The following CFAP299 variants were observed in gnomAD, a reference collection of about 807,000 sequenced individuals.
CFAP299 encodes cilia and flagella associated protein 299, also known as cilia- and flagella-associated protein 299.
CFAP299 carries 21 observed loss-of-function variants against 27.0 expected under a neutral mutation model. That is an observed-to-expected ratio of 0.78 (90% CI 0.55 to 1.12). The LOEUF is 1.12. Among genes scored for constraint, CFAP299 ranks in the 50% most tolerant of loss-of-function variants. The probability of loss-of-function intolerance (pLI) is 0.00; values close to 1 mark genes in which losing one functional copy is unlikely to be tolerated. For missense variants in CFAP299, 310 were observed against 276.6 expected (o/e 1.12, Z -0.86); for synonymous variants, 104 against 98.1 (o/e 1.06, Z -0.36).
chr4:80,328,233 AAAAC>A, the CFAP299 span, among the ~76,000 whole-genome samples: 3 of 152,176 alleles, frequency 2.0e-5, no homozygotes, highest in South Asian at 6.2e-4. Flanking sequence ...TAATTGAAAC[AAAAC>A]ATGGGGTCAA....
At chr4:80,650,504 C>A (rs1740227220) in intron 3 of CFAP299, among the ~76,000 whole-genome samples, 1 of 152,018 alleles carries the variant, frequency 6.6e-6, no homozygotes, top group Admixed American at 6.6e-5. Flanking sequence ...TTTGATGTGT[C>A]AGATTTTATT....
intron 2 of CFAP299, among the ~76,000 whole-genome samples, chr4:80,492,490 C>A (rs1455795807): frequency 6.6e-6 from 1 of 152,084 alleles, no homozygotes; most frequent in Non-Finnish European, 1.5e-5. Flanking sequence ...ATAGATGGGA[C>A]TAACAGGAGT....
intron 3 of CFAP299, among the ~76,000 whole-genome samples, chr4:80,629,364 T>A (rs563129591): frequency 1.3e-5 from 2 of 152,216 alleles, no homozygotes; most frequent in South Asian, 2.1e-4. Flanking sequence ...TTCAGTTAGA[T>A]AAGAGAAATA....
intron 3 of CFAP299, among the ~76,000 whole-genome samples, chr4:80,631,367 A>G (rs1027799733): frequency 1.3e-5 from 2 of 152,158 alleles, no homozygotes; most frequent in Non-Finnish European, 2.9e-5. Flanking sequence ...TACTTTGAAC[A>G]GATACCTACA....
chr4:80,715,547 G>A (rs1722429125), intron 3 of CFAP299, among the ~76,000 whole-genome samples: 1 of 151,838 alleles, frequency 6.6e-6, no homozygotes, highest in Non-Finnish European at 1.5e-5. Flanking sequence ...ACTTCTGAAA[G>A]ACCAAAATGG....
intron 3 of CFAP299, among the ~76,000 whole-genome samples, chr4:80,803,028 CT>C (rs1232097489): frequency 1.3e-5 from 2 of 152,056 alleles, no homozygotes; most frequent in Non-Finnish European, 2.9e-5. Flanking sequence ...TTCAGCTCAA[CT>C]TTTTTCATCA....
chr4:80,508,997 A>C (rs1358439923), intron 2 of CFAP299, among the ~76,000 whole-genome samples: 1 of 152,172 alleles, frequency 6.6e-6, no homozygotes, highest in Admixed American at 6.5e-5. Context: ...CTAGAGCTGA[A>C]GATCAGCTTT....
chr4:80,942,203 T>C (rs934782890), intron 4 of CFAP299, among the ~76,000 whole-genome samples: 3 of 152,070 alleles, frequency 2.0e-5, no homozygotes, highest in African/African-American at 7.2e-5. Context: ...AATTTGAAAA[T>C]TTGTATTTTG....
chr4:80,908,090 G>T (rs1044297518), intron 4 of CFAP299, among the ~76,000 whole-genome samples: 3 of 152,172 alleles, frequency 2.0e-5, no homozygotes, highest in Admixed American at 2.0e-4. Context: ...TTCAGACTTT[G>T]CTCAGGGAAC....
chr4:80,862,375 A>C (rs976340437), intron 3 of CFAP299, among the ~76,000 whole-genome samples: 3 of 152,128 alleles, frequency 2.0e-5, no homozygotes, highest in Admixed American at 2.0e-4. Flanking sequence ...ATCTCGAAAA[A>C]TATAGTAAAT....
At chr4:80,906,125 A>G (rs1039081632) in intron 4 of CFAP299, among the ~76,000 whole-genome samples, 6 of 152,356 alleles carry the variant, frequency 3.9e-5, no homozygotes, top group African/African-American at 1.2e-4. Flanking sequence ...TTAGTTAAAT[A>G]TACCCATTCC....
At chr4:80,380,851 C>T (rs973409150) in intron 2 of CFAP299, among the ~76,000 whole-genome samples, 1 of 152,176 alleles carries the variant, frequency 6.6e-6, no homozygotes. Context: ...TTGACCTCTG[C>T]TACTGCTTTT....
At chr4:80,956,484 T>C (rs564601825) in intron 5 of CFAP299, among the ~76,000 whole-genome samples, 3 of 152,194 alleles carry the variant, frequency 2.0e-5, no homozygotes, top group African/African-American at 7.2e-5. Context: ...CTGTGTGGAG[T>C]CCAGTGGCAC....
At chr4:80,723,268 A>G (rs1197455760) in intron 3 of CFAP299, among the ~76,000 whole-genome samples, 1 of 152,216 alleles carries the variant, frequency 6.6e-6, no homozygotes, top group Non-Finnish European at 1.5e-5. Context: ...AAATAAAAAT[A>G]TATGCTCATA....
chr4:80,692,888 A>G (rs1157177766), intron 3 of CFAP299, among the ~76,000 whole-genome samples: 1 of 152,028 alleles, frequency 6.6e-6, no homozygotes, highest in East Asian at 1.9e-4. Context: ...TGGGTGAAGG[A>G]CATGAACAGA....
At chr4:80,553,708 A>G (rs1018290007) in intron 2 of CFAP299, among the ~76,000 whole-genome samples, 2 of 152,066 alleles carry the variant, frequency 1.3e-5, no homozygotes, top group African/African-American at 2.4e-5. Flanking sequence ...CTGGTGTAAG[A>G]TGGTATCTTT....
intron 2 of CFAP299, among the ~76,000 whole-genome samples, chr4:80,439,557 G>A (rs1401590797): frequency 2.0e-5 from 3 of 152,216 alleles, no homozygotes; most frequent in Non-Finnish European, 4.4e-5. Flanking sequence ...CTGCAGAGCA[G>A]GAGATTCCCT....
chr4:80,570,735 A>G (rs1735543555), intron 2 of CFAP299, among the ~76,000 whole-genome samples: 1 of 152,132 alleles, frequency 6.6e-6, no homozygotes, highest in African/African-American at 2.4e-5. Context: ...TAGCTCTTGT[A>G]TTGCTAGCCA....
intron 4 of CFAP299, chr4:80,873,065 G>C: frequency 1.1e-6 from 1 of 900,226 alleles, no homozygotes; most frequent in Non-Finnish European, 1.3e-6. Flanking sequence ...TAAATATACT[G>C]TCTTATAGGA....
Sources: gnomAD v4.1 joint callset for allele counts (sites outside exome capture counted in the v4.1 genomes callset) on GRCh38, gnomAD v4.1.1 for gene constraint, MANE v1.5 for transcripts, NCBI Gene and HGNC (gene_info 2026-07-23, HGNC 2026-07-21) for gene names.